Variants in TRAPPC9 observed in about 807,000 individuals in gnomAD.
TRAPPC9 encodes the protein IKK2 binding protein.
A neutral mutation model predicts 124.0 loss-of-function variants in TRAPPC9; 83 were observed. The ratio of observed to expected loss-of-function variants is 0.67; its 90% confidence interval spans 0.56 to 0.80. TRAPPC9 has a LOEUF of 0.80. Among genes scored for constraint, TRAPPC9 ranks in the 30% least tolerant of loss-of-function variants. The probability of loss-of-function intolerance (pLI) is 0.00; values close to 1 mark genes in which losing one functional copy is unlikely to be tolerated. For missense variants in TRAPPC9, 1,302 were observed against 1,508.3 expected (o/e 0.86, Z 2.27); for synonymous variants, 638 against 617.5 (o/e 1.03, Z -0.49).
chr8:140,022,275 GACC>G (rs1391316318), intron 18 of TRAPPC9, among the ~76,000 whole-genome samples: 1 of 152,158 alleles, frequency 6.6e-6, no homozygotes, highest in Non-Finnish European at 1.5e-5. Flanking sequence ...AGGGCTTGGG[GACC>G]ACTTAGACTT....
At chr8:139,901,119 A>T (rs1046510479) in intron 20 of TRAPPC9, among the ~76,000 whole-genome samples, 1 of 152,212 alleles carries the variant, frequency 6.6e-6, no homozygotes, top group Non-Finnish European at 1.5e-5. Flanking sequence ...TTTGACATGA[A>T]GGTTTTCACA....
chr8:140,291,111 T>C, intron 11 of TRAPPC9, 33 bp from the exon 12 acceptor site: 1 of 1,582,088 alleles, frequency 6.3e-7, no homozygotes, highest in Non-Finnish European at 8.7e-7. Context: ...TGAATCCATG[T>C]ATTAGTTGGT....
intron 10 of TRAPPC9, among the ~76,000 whole-genome samples, chr8:140,306,793 C>T (rs939893587): frequency 6.6e-6 from 1 of 152,212 alleles, no homozygotes; most frequent in African/African-American, 2.4e-5. Flanking sequence ...TTGCACTTTT[C>T]CAAGGTATGC....
At chr8:140,039,738 G>C (rs145578916) in intron 17 of TRAPPC9, 28 of 152,322 alleles carry the variant, frequency 1.8e-4, no homozygotes, top group Non-Finnish European at 3.1e-4. Context: ...TGGTGCTAGC[G>C]ATATCCCTAA....
At chr8:140,416,730 T>C (rs529454564) in intron 5 of TRAPPC9, among the ~76,000 whole-genome samples, 1 of 152,336 alleles carries the variant, frequency 6.6e-6, no homozygotes, top group East Asian at 1.9e-4. Context: ...TTAAATTTCA[T>C]ATGGAACCAA....
intron 9 of TRAPPC9, among the ~76,000 whole-genome samples, chr8:140,324,781 A>T (rs1159497498): frequency 6.6e-6 from 1 of 152,206 alleles, no homozygotes; most frequent in East Asian, 1.9e-4. Flanking sequence ...AAAATAAATA[A>T]GTGAAATTTA....
intron 15 of TRAPPC9, among the ~76,000 whole-genome samples, chr8:140,254,699 T>C (rs2064206139): frequency 6.6e-6 from 1 of 152,138 alleles, no homozygotes; most frequent in Non-Finnish European, 1.5e-5. Flanking sequence ...TTTCCCACTA[T>C]CCCCTTTCTG....
Position 140,252,934 on chromosome 8 carries a change from A to C in TRAPPC9, c.2279-5T>G. 1.9e-6 allele frequency: 3 copies of C among 1,613,590 alleles called. No homozygotes were observed. Among genetic ancestry groups the C allele is most frequent in the Non-Finnish European group, 2.5e-6 (3 of 1,179,952 alleles). On this transcript the variant is annotated splice_region_variant and splice_polypyrimidine_tract_variant and intron_variant, in intron 15 of 22. Transcript: ENST00000438773. The surrounding 1 kb of genome is among the most constrained non-coding windows in gnomAD (Gnocchi z 4.2). ...AGAAGTCGCCATACAATTTTTCTGT[A>C]ATAATAACAATGACAGTGATGAGGA...
rs866824077 is a variant in TRAPPC9 at position 140,216,987 on chromosome 8, T to A, written c.2556+4472A>T. 6.6e-6 allele frequency among the ~76,000 whole-genome samples: 1 copy of A among 152,178 alleles called. No homozygotes were observed. Reference sequence around the variant, plus strand: ...GCACGCTGCTTAACACGGTCCTCAGTGGACAAGGCTGAGTTACTGGCTTGT... The same window carrying A: ...GCACGCTGCTTAACACGGTCCTCAGAGGACAAGGCTGAGTTACTGGCTTGT... On this transcript the variant is annotated intron_variant, in intron 17 of 22. Transcript: ENST00000438773. This position sits in a 1 kb window ranked among gnomAD's most constrained non-coding sequence, Gnocchi z 4.1.
At chr8:140,348,942 G>A (rs1028799821) in intron 9 of TRAPPC9, among the ~76,000 whole-genome samples, 1 of 152,002 alleles carries the variant, frequency 6.6e-6, no homozygotes, top group Non-Finnish European at 1.5e-5. Flanking sequence ...AAGGAAGAAA[G>A]CACCGTGTAG....
chr8:140,322,373 A>AC (rs1221892319), intron 9 of TRAPPC9, among the ~76,000 whole-genome samples: 1 of 151,828 alleles, frequency 6.6e-6, no homozygotes, highest in East Asian at 1.9e-4. Context: ...GCAATGCCCC[A>AC]CCCCCCTGGT....
chr8:139,821,411 G>A (rs566782758), intron 21 of TRAPPC9, among the ~76,000 whole-genome samples: 1 of 152,340 alleles, frequency 6.6e-6, no homozygotes, highest in African/African-American at 2.4e-5. Context: ...AGAGTATGCT[G>A]TGGCACAGGT....
intron 21 of TRAPPC9, among the ~76,000 whole-genome samples, chr8:139,755,946 C>G (rs556233892): frequency 7.9e-6 from 1 of 126,712 alleles, no homozygotes; most frequent in Non-Finnish European, 1.6e-5. Context: ...GACCGCAGGT[C>G]GCAGGAGGAG....
At position 139,957,948 on chromosome 8, in the gene TRAPPC9, T is replaced by C. The variant is rs530644592; in HGVS notation, c.2810+30778A>G. The stretch of plus-strand genomic sequence containing the variant: ...CAGAGGTTTCTGCCAACCTTCCAGC[T>C]CCACCCACAGCCCCTGAGGAGAGGC... On this transcript the variant is annotated intron_variant, in intron 19 of 22. Transcript: ENST00000438773. Among the ~76,000 whole-genome samples, 670 of 152,298 alleles carry C rather than the reference T, an allele frequency of 4.4e-3. 5 individuals carry two copies. Among genetic ancestry groups the C allele is most frequent in the Non-Finnish European group, 4.0e-3 (272 of 68,024 alleles).
intron 21 of TRAPPC9, among the ~76,000 whole-genome samples, chr8:139,778,920 G>A (rs1271433589): frequency 1.3e-5 from 2 of 152,014 alleles, no homozygotes; most frequent in Admixed American, 6.5e-5. Context: ...GATCCAAGAA[G>A]CTACACAAAT....
chr8:140,217,136 G>C (rs1343455696), intron 17 of TRAPPC9, among the ~76,000 whole-genome samples: 1 of 152,206 alleles, frequency 6.6e-6, no homozygotes, highest in East Asian at 1.9e-4. Flanking sequence ...CTTTAATTCA[G>C]CAAAGAGGCA....
intron 19 of TRAPPC9, among the ~76,000 whole-genome samples, chr8:139,966,540 G>T (rs1835719748): frequency 6.6e-6 from 1 of 152,224 alleles, no homozygotes; most frequent in African/African-American, 2.4e-5. Context: ...TTTTGTCTCA[G>T]TCTGTTTCTT....
chr8:139,789,507 C>G (rs1822506059), intron 21 of TRAPPC9, among the ~76,000 whole-genome samples: 1 of 152,186 alleles, frequency 6.6e-6, no homozygotes, highest in Non-Finnish European at 1.5e-5. Flanking sequence ...ACCTCCTGAG[C>G]CACACTTTAA....
Position 139,769,086 on chromosome 8 carries a change from T to C in TRAPPC9, c.3056-36884A>G, listed in dbSNP as rs74718629. On this transcript the variant is annotated intron_variant, in intron 21 of 22. Transcript: ENST00000438773. ...AACTGTCAGAAATAACTTTTTGTTG[T>C]CTAAGCCACACAGTCTGTAGTGCTT... 7.4e-3 allele frequency among the ~76,000 whole-genome samples: 1,123 copies of C among 152,308 alleles called. 12 individuals are homozygous for C. The highest frequency in any genetic ancestry group is 0.026 in the African/African-American group (1,061 of 41,566).
Sources: allele counts gnomAD v4.1 joint callset (sites outside exome capture counted in the v4.1 genomes callset), GRCh38; gene constraint gnomAD v4.1.1; non-coding constraint Gnocchi (gnomAD v3.1); transcripts MANE v1.5; gene names NCBI Gene and HGNC (gene_info 2026-07-23, HGNC 2026-07-21).